WNT3: variants seen among roughly 807,000 people sequenced by gnomAD.
The protein encoded by WNT3 is proto-oncogene Wnt-3.
A neutral mutation model predicts 34.2 loss-of-function variants in WNT3; 7 were observed. That is an observed-to-expected ratio of 0.20 (90% CI 0.12 to 0.38). The LOEUF is 0.38. WNT3 is among the 10% of genes least tolerant of loss of function. The probability of loss-of-function intolerance (pLI) is 1.00; values close to 1 mark genes in which losing one functional copy is unlikely to be tolerated. For synonymous variants in WNT3, 212 were observed against 211.5 expected (o/e 1.00, Z -0.02); for missense variants, 267 against 499.8 (o/e 0.53, Z 4.44).
Position 46,818,390 on chromosome 17 carries a change from G to GT in WNT3, c.80+127dup. 3.4e-6 allele frequency: 3 copies of GT among 872,862 alleles called. No homozygotes were observed. In the South Asian group the frequency reaches 4.4e-5, roughly 13 times the overall value. The allele number at this position is 872,862 out of a possible 1,614,324, so 54.1% of individuals were successfully genotyped here. A position where few individuals can be genotyped will look rare whatever the true frequency, so the allele number is the denominator to read the frequency against. On this transcript the variant is annotated intron_variant, in intron 1 of 4. Coordinates refer to ENST00000225512, the MANE Select transcript of WNT3 (RefSeq NM_030753.5). The stretch of plus-strand genomic sequence containing the variant: ...CAGAAAATCCAGGAGGGGTGGGCGG[G>GT]TGGGGGGCTGGAGGGAGGCGAGGAG...
intron 1 of WNT3, among the ~76,000 whole-genome samples, chr17:46,812,185 C>G (rs1428577784): frequency 6.8e-6 from 1 of 147,288 alleles, no homozygotes; most frequent in Non-Finnish European, 1.5e-5. Flanking sequence ...GGCCTAGCCT[C>G]TCACTGAGAG....
At chr17:46,783,815 G>A (rs565015049) in intron 1 of WNT3, among the ~76,000 whole-genome samples, 1 of 152,348 alleles carries the variant, frequency 6.6e-6, no homozygotes, top group East Asian at 1.9e-4. Context: ...GGGTCTAGGA[G>A]CCACACAGAG....
At chr17:46,790,886 G>A (rs1397409971) in intron 1 of WNT3, among the ~76,000 whole-genome samples, 1 of 152,236 alleles carries the variant, frequency 6.6e-6, no homozygotes, top group Non-Finnish European at 1.5e-5. Context: ...AAAAGGACAG[G>A]ATAAAAGATG....
At chr17:46,808,884 A>G (rs1382833029) in intron 1 of WNT3, among the ~76,000 whole-genome samples, 1 of 152,146 alleles carries the variant, frequency 6.6e-6, no homozygotes, top group Non-Finnish European at 1.5e-5. Context: ...CAGCCTGCTC[A>G]GGTCGAGGGG....
Position 46,773,648 on chromosome 17 carries a change from CCTCAG to C in WNT3, c.322+15_322+19del. 1 of 1,531,370 alleles carries C rather than the reference CCTCAG, an allele frequency of 6.5e-7. No homozygotes were observed. Among genetic ancestry groups the C allele is most frequent in the East Asian group, 2.5e-5 (1 of 40,146 alleles). 94.9% of individuals were successfully genotyped at this position (1,531,370 alleles called of 1,614,324 possible). A position where few individuals can be genotyped will look rare whatever the true frequency, so the allele number is the denominator to read the frequency against. On this transcript the variant is annotated intron_variant, in intron 2 of 4. Transcript: ENST00000225512. Reference sequence around the variant, plus strand: ...TCCCCCCACCCAGCCCCTCCCCCCCCCTCAGCCCCAAGGCAGTACCTTTGTCGAGG... The same window carrying C: ...TCCCCCCACCCAGCCCCTCCCCCCCCCCCCAAGGCAGTACCTTTGTCGAGG...
At chr17:46,788,347 T>A (rs892300175) in intron 1 of WNT3, among the ~76,000 whole-genome samples, 1 of 152,216 alleles carries the variant, frequency 6.6e-6, no homozygotes, top group East Asian at 1.9e-4. Flanking sequence ...GATTGGGAAA[T>A]GAGAACCTTA....
intron 4 of WNT3, among the ~76,000 whole-genome samples, chr17:46,765,945 C>T (rs1437485283): frequency 6.6e-6 from 1 of 152,218 alleles, no homozygotes; most frequent in Non-Finnish European, 1.5e-5. Context: ...GAGTGTCCTC[C>T]ACTGGTCACA....
intron 1 of WNT3, among the ~76,000 whole-genome samples, chr17:46,809,975 C>T (rs2084250344): frequency 6.6e-6 from 1 of 151,038 alleles, no homozygotes; most frequent in African/African-American, 2.4e-5. Flanking sequence ...CAGGGACTAG[C>T]TCTTATTCCT....
At chr17:46,789,776 G>GCCTGGC (rs1291824122) in intron 1 of WNT3, among the ~76,000 whole-genome samples, 2 of 152,226 alleles carry the variant, frequency 1.3e-5, no homozygotes, top group Non-Finnish European at 1.5e-5. Flanking sequence ...CTCCAGCTGG[G>GCCTGGC]CCTGGCCCTG....
chr17:46,803,024 G>A (rs951973527), intron 1 of WNT3, among the ~76,000 whole-genome samples: 5 of 152,186 alleles, frequency 3.3e-5, no homozygotes, highest in Admixed American at 3.3e-4. Context: ...GGCTGTCCTG[G>A]GAACTAAGAC....
At chr17:46,770,124 A>G in intron 2 of WNT3, 76 bp from the exon 3 acceptor site, 2 of 1,461,720 alleles carry the variant, frequency 1.4e-6, no homozygotes, top group Non-Finnish European at 1.8e-6. Flanking sequence ...CTCCCAGGCC[A>G]GGACGTGAGG....
chr17:46,764,391 C>A lies in WNT3; in HGVS notation c.*239G>T, dbSNP rs995531246. ...GACCCTAGAGAACTAAAAAGAAAGCCCCCTTCTTTAAAAACCACACACCAT... is the reference window on the plus strand; with the variant it reads ...GACCCTAGAGAACTAAAAAGAAAGCACCCTTCTTTAAAAACCACACACCAT... On this transcript the variant is annotated 3_prime_UTR_variant, in exon 5 of 5. Transcript: ENST00000225512. The A allele has an allele frequency of 6.6e-6, 1 of 152,570 alleles. No individual in the cohort carries two copies. The highest frequency in any genetic ancestry group is 2.4e-5 in the African/African-American group (1 of 41,414). 9.5% of individuals were successfully genotyped at this position (152,570 alleles called of 1,614,324 possible).
At chr17:46,775,728 C>T (rs2059407507) in intron 1 of WNT3, among the ~76,000 whole-genome samples, 1 of 151,770 alleles carries the variant, frequency 6.6e-6, no homozygotes, top group Non-Finnish European at 1.5e-5. Flanking sequence ...ATTCTCCTGC[C>T]TCAGCCTCCC....
chr17:46,786,222 G>A (rs1474878222), intron 1 of WNT3, among the ~76,000 whole-genome samples: 2 of 152,108 alleles, frequency 1.3e-5, no homozygotes, highest in East Asian at 3.9e-4. Flanking sequence ...AAACAGGAGG[G>A]AAGAGGGGAC....
chr17:46,818,218 G>T (rs2084378169), intron 1 of WNT3, among the ~76,000 whole-genome samples: 1 of 152,122 alleles, frequency 6.6e-6, no homozygotes, highest in South Asian at 2.1e-4. Context: ...GTCTTCGGGG[G>T]CCTCTAGATT....
chr17:46,811,257 C>T lies in WNT3; in HGVS notation c.80+7261G>A, dbSNP rs1003605875. On this transcript the variant is annotated intron_variant, in intron 1 of 4. Transcript: ENST00000225512. ...GGAACTAAGCGGCCTTAGGTGTCAT[C>T]GGGCGGGTTGTTGCATGGGTCAGTG... 6.9e-5 allele frequency among the ~76,000 whole-genome samples: 7 copies of T among 101,006 alleles called. 1 individual carries two copies. The East Asian group carries it at 7.7e-4, about 11-fold the overall frequency. The allele number at this position is 101,006 out of a possible 152,430, so 66.3% of individuals were successfully genotyped here.
chr17:46,817,948 G>C (rs972588796), intron 1 of WNT3, among the ~76,000 whole-genome samples: 2 of 152,054 alleles, frequency 1.3e-5, no homozygotes, highest in Non-Finnish European at 2.9e-5. Flanking sequence ...GATGAATCTA[G>C]AGCGGTGGGG....
At chr17:46,777,839 G>A (rs2059424621) in intron 1 of WNT3, among the ~76,000 whole-genome samples, 1 of 152,210 alleles carries the variant, frequency 6.6e-6, no homozygotes, top group South Asian at 2.1e-4. Flanking sequence ...TGTCCTCTGA[G>A]AACAATTCCT....
intron 2 of WNT3, among the ~76,000 whole-genome samples, chr17:46,771,268 G>C (rs1471367196): frequency 6.6e-6 from 1 of 152,150 alleles, no homozygotes; most frequent in Non-Finnish European, 1.5e-5. Flanking sequence ...GGCGGCAAGG[G>C]GGCCCGACGT....
Sources: allele counts gnomAD v4.1 joint callset (sites outside exome capture counted in the v4.1 genomes callset), GRCh38; gene constraint gnomAD v4.1.1; transcripts MANE v1.5; gene names NCBI Gene and HGNC (gene_info 2026-07-23, HGNC 2026-07-21).